SCARA5: variants seen among roughly 807,000 people sequenced by gnomAD.
SCARA5 encodes the protein scavenger receptor class A member 5.
A neutral mutation model predicts 46.3 loss-of-function variants in SCARA5; 45 were observed. That is an observed-to-expected ratio of 0.97 (90% CI 0.76 to 1.24). The LOEUF is 1.24. Among genes scored for constraint, SCARA5 ranks in the 50% most tolerant of loss-of-function variants. The probability of loss-of-function intolerance (pLI) is 0.00; values close to 1 mark genes in which losing one functional copy is unlikely to be tolerated. For missense variants in SCARA5, 680 were observed against 689.0 expected (o/e 0.99, Z 0.15); for synonymous variants, 333 against 306.5 (o/e 1.09, Z -0.90).
At chr8:27,875,916 G>C (rs1328505248) in intron 8 of SCARA5, among the ~76,000 whole-genome samples, 1 of 152,162 alleles carries the variant, frequency 6.6e-6, no homozygotes, top group African/African-American at 2.4e-5. Flanking sequence ...CAGGAGGATT[G>C]CTTGAGCCTG....
At chr8:27,922,376 G>C in intron 3 of SCARA5, 131 bp from the exon 4 acceptor site, 1 of 609,626 alleles carries the variant, frequency 1.6e-6, no homozygotes, top group African/African-American at 1.9e-5. Flanking sequence ...AATCACAGGT[G>C]GTGTGCTGAG....
At chr8:27,898,605 C>T (rs898311917) in intron 7 of SCARA5, among the ~76,000 whole-genome samples, 1 of 152,228 alleles carries the variant, frequency 6.6e-6, no homozygotes, top group Non-Finnish European at 1.5e-5. Flanking sequence ...TTGTGAGAAA[C>T]TTTGCTTTTT....
intron 3 of SCARA5, among the ~76,000 whole-genome samples, chr8:27,930,654 G>A (rs546088913): frequency 4.6e-5 from 7 of 152,050 alleles, no homozygotes; most frequent in Admixed American, 1.3e-4. Context: ...CGCCCCCCTC[G>A]GCCACCCAAA....
intron 3 of SCARA5, among the ~76,000 whole-genome samples, chr8:27,961,525 T>A (rs1348343231): frequency 6.6e-6 from 1 of 152,214 alleles, no homozygotes; most frequent in Non-Finnish European, 1.5e-5. Flanking sequence ...GCATTCCTTT[T>A]TAGCAATGCA....
At chr8:27,949,756 A>C (rs56087665) in intron 3 of SCARA5, among the ~76,000 whole-genome samples, 1 of 152,202 alleles carries the variant, frequency 6.6e-6, no homozygotes. Flanking sequence ...CCTGCCTGGC[A>C]GTGTCTCAGG....
intron 7 of SCARA5, 152 bp from the exon 8 acceptor site, chr8:27,879,918 C>G (rs1806785307): frequency 2.8e-6 from 2 of 706,284 alleles, no homozygotes; most frequent in Non-Finnish European, 4.7e-6. Flanking sequence ...CACCCTGTGC[C>G]TCTTCTGCCC....
At chr8:27,959,859 G>T (rs1450124920) in intron 3 of SCARA5, among the ~76,000 whole-genome samples, 1 of 152,194 alleles carries the variant, frequency 6.6e-6, no homozygotes, top group African/African-American at 2.4e-5. Context: ...CGTGCCATGG[G>T]TGGAGCCATT....
chr8:27,934,881 G>A (rs1423783006), intron 3 of SCARA5, among the ~76,000 whole-genome samples: 1 of 152,260 alleles, frequency 6.6e-6, no homozygotes, highest in Non-Finnish European at 1.5e-5. Flanking sequence ...GCAAAGTCCT[G>A]ATGAAGCTGC....
At chr8:27,921,468 T>A in intron 4 of SCARA5, 103 bp downstream of exon 4, 2 of 901,784 alleles carry the variant, frequency 2.2e-6, no homozygotes, top group Non-Finnish European at 3.1e-6. Flanking sequence ...CACTTGGGGA[T>A]GGGGTGGGGC....
At chr8:27,988,417 A>G (rs1417022064) in intron 1 of SCARA5, among the ~76,000 whole-genome samples, 1 of 152,256 alleles carries the variant, frequency 6.6e-6, no homozygotes, top group Non-Finnish European at 1.5e-5. Context: ...GCTCTTTGAA[A>G]GGAAACAGCC....
chr8:27,972,833 C>A (rs1424446695), intron 2 of SCARA5, among the ~76,000 whole-genome samples: 1 of 152,026 alleles, frequency 6.6e-6, no homozygotes, highest in Non-Finnish European at 1.5e-5. Context: ...TGCACTCCAG[C>A]CTGAGTGGCA....
At position 27,871,755 on chromosome 8, in the gene SCARA5, A is replaced by C; in HGVS notation, c.*179T>G. 1.4e-6 allele frequency: 2 copies of C among 1,443,356 alleles called. No homozygotes were observed. The highest frequency in any genetic ancestry group is 1.8e-6 in the Non-Finnish European group (2 of 1,100,890). The allele number at this position is 1,443,356 out of a possible 1,614,324, so 89.4% of individuals were successfully genotyped here. On this transcript the variant is annotated 3_prime_UTR_variant, in exon 9 of 9. Transcript: ENST00000354914. ...AGGTCCCAGAGTTATACTTCGGAGC[A>C]CATGTTCAAGAGGGAAATGACGACC...
chr8:27,974,156 A>T (rs1339990365), intron 2 of SCARA5, among the ~76,000 whole-genome samples: 1 of 152,166 alleles, frequency 6.6e-6, no homozygotes, highest in Non-Finnish European at 1.5e-5. Context: ...TGTATTAAGC[A>T]GGCAGCATCT....
rs575456950 is a variant in SCARA5 at position 27,965,700 on chromosome 8, T to A, written c.241+714A>T. On this transcript the variant is annotated intron_variant, in intron 3 of 8. Transcript: ENST00000354914. Reference sequence around the variant, plus strand: ...TTACTTGCGTCCAGTCCTACCTACCTCCACTGAGAAAGGTGGGAACTGAGC... The same window carrying A: ...TTACTTGCGTCCAGTCCTACCTACCACCACTGAGAAAGGTGGGAACTGAGC... 4.6e-5 allele frequency among the ~76,000 whole-genome samples: 7 copies of A among 152,292 alleles called. No individual in the cohort carries two copies. In the South Asian group the frequency reaches 1.5e-3, roughly 32 times the overall value.
chr8:27,917,370 T>C (rs1323633785), intron 4 of SCARA5, among the ~76,000 whole-genome samples: 1 of 152,092 alleles, frequency 6.6e-6, no homozygotes, highest in African/African-American at 2.4e-5. Flanking sequence ...AGATTGGACT[T>C]AGAAATGAAA....
intron 4 of SCARA5, among the ~76,000 whole-genome samples, chr8:27,919,391 T>C (rs529590987): frequency 1.3e-5 from 2 of 152,172 alleles, no homozygotes; most frequent in African/African-American, 4.8e-5. Context: ...CCCACTAGAC[T>C]GGATGCATCA....
At chr8:27,886,960 C>T (rs750013368) in intron 7 of SCARA5, among the ~76,000 whole-genome samples, 2 of 152,112 alleles carry the variant, frequency 1.3e-5, no homozygotes, top group Non-Finnish European at 2.9e-5. Context: ...GCAGGGGGAA[C>T]GGGGCTACTG....
At chr8:27,913,809 C>T (rs959132778) in intron 4 of SCARA5, among the ~76,000 whole-genome samples, 9 of 152,228 alleles carry the variant, frequency 5.9e-5, no homozygotes, top group Non-Finnish European at 1.2e-4. Flanking sequence ...AGATCACTCA[C>T]GATCTGACCC....
At chr8:27,969,995 C>T (rs74521544) in intron 2 of SCARA5, among the ~76,000 whole-genome samples, 2,481 of 152,282 alleles carry the variant, frequency 0.016, 52 homozygotes, top group East Asian at 0.083. Flanking sequence ...CCCCCTTCCA[C>T]GTTGTACCAG....
Sources: allele counts gnomAD v4.1 joint callset (sites outside exome capture counted in the v4.1 genomes callset), GRCh38; gene constraint gnomAD v4.1.1; transcripts MANE v1.5; gene names NCBI Gene and HGNC (gene_info 2026-07-23, HGNC 2026-07-21).